Variants in JARID2 observed in about 807,000 individuals in gnomAD.
The protein encoded by JARID2 is jumonji and AT-rich interaction domain containing 2.
Under a neutral mutation model 125.6 loss-of-function variants are expected in JARID2, and 21 were observed. The observed-to-expected ratio is 0.17, with a 90% CI of 0.12 to 0.24. JARID2 has a LOEUF of 0.24. JARID2 is among the 10% of genes least tolerant of loss of function. The pLI is 1.00. For synonymous variants in JARID2, 736 were observed against 661.6 expected (o/e 1.11, Z -1.73); for missense variants, 1,303 against 1,639.6 (o/e 0.79, Z 3.55).
intron 1 of JARID2, among the ~76,000 whole-genome samples, chr6:15,293,734 C>T (rs1195800552): frequency 6.6e-6 from 1 of 152,228 alleles, no homozygotes; most frequent in African/African-American, 2.4e-5. Context: ...CCGGATTTCT[C>T]ACTTTCTGTG....
At chr6:15,262,423 G>A (rs1759918128) in intron 1 of JARID2, among the ~76,000 whole-genome samples, 2 of 151,672 alleles carry the variant, frequency 1.3e-5, no homozygotes, top group Non-Finnish European at 2.9e-5. Flanking sequence ...GTGTGTATCA[G>A]TACTTCATTC....
chr6:15,505,833 CGCAGCTGCTT>C (rs1770979010), intron 9 of JARID2, among the ~76,000 whole-genome samples: 2 of 152,250 alleles, frequency 1.3e-5, no homozygotes, highest in Admixed American at 1.3e-4. Flanking sequence ...GTGTGGCTTC[CGCAGCTGCTT>C]CCAGAGCACG....
At chr6:15,266,975 G>C (rs1760109263) in intron 1 of JARID2, among the ~76,000 whole-genome samples, 1 of 152,228 alleles carries the variant, frequency 6.6e-6, no homozygotes, top group Non-Finnish European at 1.5e-5. Context: ...GCGTCCCTGA[G>C]TGGAGATTAG....
At chr6:15,277,071 C>G (rs1760553180) in intron 1 of JARID2, among the ~76,000 whole-genome samples, 1 of 152,046 alleles carries the variant, frequency 6.6e-6, no homozygotes, top group Non-Finnish European at 1.5e-5. Context: ...TGATTTTTTT[C>G]CATGGTAGTA....
intron 1 of JARID2, among the ~76,000 whole-genome samples, chr6:15,346,877 A>G (rs541015152): frequency 1.3e-5 from 2 of 152,022 alleles, no homozygotes; most frequent in Admixed American, 1.3e-4. Flanking sequence ...CTAGGAATAC[A>G]GGTGCTTGCC....
intron 3 of JARID2, among the ~76,000 whole-genome samples, chr6:15,412,178 T>C (rs897050303): frequency 1.3e-5 from 2 of 152,228 alleles, no homozygotes; most frequent in African/African-American, 4.8e-5. Context: ...TCTGGTCTCA[T>C]CAAGGTTTTA....
intron 1 of JARID2, among the ~76,000 whole-genome samples, chr6:15,314,101 C>T (rs916977045): frequency 1.3e-5 from 2 of 152,212 alleles, no homozygotes; most frequent in African/African-American, 4.8e-5. Context: ...TAGATAAGGT[C>T]AAAGGGACGG....
At chr6:15,455,204 A>G (rs1002327426) in intron 4 of JARID2, among the ~76,000 whole-genome samples, 8 of 152,030 alleles carry the variant, frequency 5.3e-5, no homozygotes, top group Non-Finnish European at 8.8e-5. Context: ...AAAAAAAAAA[A>G]AAAACAATGG....
At chr6:15,380,095 G>A (rs1764521709) in intron 2 of JARID2, among the ~76,000 whole-genome samples, 1 of 151,760 alleles carries the variant, frequency 6.6e-6, no homozygotes, top group Non-Finnish European at 1.5e-5. Flanking sequence ...GAGTGTAATG[G>A]CGCAATCTCT....
At chr6:15,311,306 G>A (rs148372985) in intron 1 of JARID2, among the ~76,000 whole-genome samples, 1,717 of 152,296 alleles carry the variant, frequency 0.011, 14 homozygotes, top group Non-Finnish European at 0.018. Flanking sequence ...GGCTGGGCAC[G>A]GTGGCTCATG....
intron 1 of JARID2, among the ~76,000 whole-genome samples, chr6:15,354,453 A>G (rs994147822): frequency 7.2e-5 from 11 of 152,256 alleles, no homozygotes; most frequent in Admixed American, 5.2e-4. Flanking sequence ...CAGCAGCAAC[A>G]GGAAATTACT....
rs116143643 is a variant in JARID2, at chr6:15,465,176, G to A, written c.494-3366G>A. Among the ~76,000 whole-genome samples the A allele has an allele frequency of 8.7e-3, 1,325 of 152,270 alleles. 34 individuals carry two copies. The highest frequency in any genetic ancestry group is 0.076 in the South Asian group (368 of 4,816). On this transcript the variant is annotated intron_variant, in intron 4 of 17. Coordinates refer to ENST00000341776, the MANE Select transcript of JARID2 (RefSeq NM_004973.4). Reference sequence around the variant, plus strand: ...GTTAAAAAATTATCGTCTATGGGCCGGGCATGGTGGCTCACTCCTGTAATC... The same window carrying A: ...GTTAAAAAATTATCGTCTATGGGCCAGGCATGGTGGCTCACTCCTGTAATC...
chr6:15,315,944 T>C (rs1379829992), intron 1 of JARID2, among the ~76,000 whole-genome samples: 1 of 152,140 alleles, frequency 6.6e-6, no homozygotes, highest in Admixed American at 6.5e-5. Context: ...TCAGATTGAT[T>C]TAAAGTGACT....
intron 1 of JARID2, chr6:15,248,375 T>TGGGGCGCGGGGGTGGCGCGGCCTGC (rs1326314464): frequency 1.2e-5 from 1 of 81,990 alleles, no homozygotes; most frequent in Non-Finnish European, 2.5e-5. Flanking sequence ...GGAGGGCGGG[T>TGGGGCGCGGGGGTGGCGCGGCCTGC]GGGGCGCGGG....
intron 1 of JARID2, among the ~76,000 whole-genome samples, chr6:15,344,330 A>G (rs568549161): frequency 1.3e-5 from 2 of 152,112 alleles, no homozygotes; most frequent in African/African-American, 2.4e-5. Context: ...ACTCTGGCAT[A>G]TAGGAATTTC....
Position 15,513,034 on chromosome 6 carries a change from G to A in JARID2, c.3255G>A (p.Leu1085=). The change falls in exon 15 of 18, where the codon CTG becomes CTA. Residue 1085 remains leucine (L), a synonymous_variant. Transcript: ENST00000341776. ...GPTLSTISAL[L]DELRDTELRQ... Reference sequence around the variant, plus strand: ...CTCTCAGTACCATCTCAGCCCTCCTGGATGAGCTCAGGTAACAGACCCCCA... The same window carrying A: ...CTCTCAGTACCATCTCAGCCCTCCTAGATGAGCTCAGGTAACAGACCCCCA... 1 of 1,614,096 alleles carries A rather than the reference G, an allele frequency of 6.2e-7. No homozygotes were observed.
intron 2 of JARID2, among the ~76,000 whole-genome samples, chr6:15,394,939 CT>C (rs4052929): frequency 0.34 from 49,369 of 146,044 alleles, 8,166 homozygotes; most frequent in Middle Eastern, 0.4. Context: ...AGAATAATTC[CT>C]TTTTTTTTTT....
chr6:15,487,447 G>T lies in JARID2; in HGVS notation c.811G>T (p.Ala271Ser), dbSNP rs369809671. The change falls in exon 6 of 18, where the codon GCA becomes TCA. Residue 271 changes from alanine (A) to serine (S), a missense_variant. Physicochemically the swap from Ala to Ser is moderately conservative, Grantham distance 99. Transcript: ENST00000341776. ...RREQASANHP[A>S]AAPSTGSSAK... ...GGAGCAGGCTTCAGCTAACCACCCC[G>T]CAGCGGCCCCCTCCACGGGTTCCTC... The T allele has an allele frequency of 6.2e-6, 10 of 1,614,180 alleles. No homozygotes were observed. The East Asian group carries it at 2.0e-4, about 32-fold the overall frequency.
chr6:15,503,197 C>T (rs976385127), intron 8 of JARID2, among the ~76,000 whole-genome samples: 1 of 152,220 alleles, frequency 6.6e-6, no homozygotes, highest in East Asian at 1.9e-4. Flanking sequence ...CTCTGTGGCA[C>T]CGGTGTCCTG....
Sources: gnomAD v4.1 joint callset for allele counts (sites outside exome capture counted in the v4.1 genomes callset) on GRCh38, gnomAD v4.1.1 for gene constraint, MANE v1.5 for transcripts, NCBI Gene and HGNC (gene_info 2026-07-23, HGNC 2026-07-21) for gene names.